Variants in DOCK6 observed in about 807,000 individuals in gnomAD.
DOCK6 encodes dedicator of cytokinesis protein 6.
A neutral mutation model predicts 230.3 loss-of-function variants in DOCK6; 167 were observed. That is an observed-to-expected ratio of 0.73 (90% CI 0.64 to 0.82). The LOEUF (loss-of-function observed/expected upper bound fraction) is 0.82, where lower values mean the gene tolerates loss of function less well. DOCK6 is among the 40% of genes least tolerant of loss of function. The pLI is 0.00. For missense variants in DOCK6, 2,598 were observed against 2,825.8 expected, an observed-to-expected ratio of 0.92 and a Z score of 1.83; for synonymous variants, 1,148 against 1,185.0, an observed-to-expected ratio of 0.97 and a Z score of 0.64.
intron 6 of DOCK6, among the ~76,000 whole-genome samples, chr19:11,248,953 C>T (rs2080076480): frequency 1.3e-5 from 2 of 152,166 alleles, no homozygotes; most frequent in South Asian, 2.1e-4. Flanking sequence ...TAGGGATATA[C>T]ACCCAATAAC....
intron 37 of DOCK6, among the ~76,000 whole-genome samples, chr19:11,210,902 T>A (rs892497534): frequency 2.6e-5 from 4 of 151,202 alleles, no homozygotes; most frequent in African/African-American, 9.7e-5. Flanking sequence ...CCTCCTGACC[T>A]GTCCATCCCC....
chr19:11,228,926 G>T lies in DOCK6; in HGVS notation c.2814+14C>A, dbSNP rs535273217. On this transcript the variant is annotated intron_variant, in intron 23 of 47. Transcript: ENST00000294618. ...GGGGTCTCTTGCCACCAGGCAGGGAGGAGGGGGTCTCACCATGAGCTGGAA... is the reference window on the plus strand; with the variant it reads ...GGGGTCTCTTGCCACCAGGCAGGGATGAGGGGGTCTCACCATGAGCTGGAA... 9.9e-6 allele frequency: 16 copies of T among 1,613,252 alleles called. No individual in the cohort carries two copies. The Admixed American group carries it at 1.7e-4, about 17-fold the overall frequency.
In DOCK6 at chr19:11,223,115, A is replaced by C. The variant is rs370533660; in HGVS notation, c.2956-9T>G. 2 of 1,610,928 alleles carry C rather than the reference A, an allele frequency of 1.2e-6. No homozygotes were observed. Among genetic ancestry groups the C allele is most frequent in the Non-Finnish European group, 1.7e-6 (2 of 1,178,132 alleles). ...TCGGCCAGCTCCACATCCTGGGGAC[A>C]CAGGTGCCTGTCAACCCACACACCC... is the stretch of plus-strand genomic sequence containing the variant. On this transcript the variant is annotated splice_polypyrimidine_tract_variant and intron_variant, in intron 24 of 47. Transcript: ENST00000294618.
At position 11,237,304 on chromosome 19, in the gene DOCK6, G is replaced by C. The variant is rs7247424; in HGVS notation, c.2073+152C>G. On this transcript the variant is annotated intron_variant, in intron 18 of 47. Coordinates refer to ENST00000294618, the MANE Select transcript of DOCK6 (RefSeq NM_020812.4). ...GGGGAGGACATGTAGGACACAGAGA[G>C]GCATTAATAGGGGAATAATGAGCTA... is the stretch of plus-strand genomic sequence containing the variant. 63,077 of 740,388 alleles carry C rather than the reference G, an allele frequency of 0.085. 3,492 individuals are homozygous for C. The highest frequency in any genetic ancestry group is 0.23 in the African/African-American group (13,085 of 57,520). The allele number at this position is 740,388 out of a possible 1,614,324, so 45.9% of individuals were successfully genotyped here. A position where few individuals can be genotyped will look rare whatever the true frequency, so the allele number is the denominator to read the frequency against.
intron 23 of DOCK6, among the ~76,000 whole-genome samples, chr19:11,228,505 G>GC (rs2079706681): frequency 6.6e-6 from 1 of 151,664 alleles, no homozygotes; most frequent in Non-Finnish European, 1.5e-5. Flanking sequence ...TGTGGGGGGG[G>GC]GTCTCTTGGG....
At chr19:11,234,677 G>A (rs1307093136) in intron 21 of DOCK6, among the ~76,000 whole-genome samples, 3 of 152,116 alleles carry the variant, frequency 2.0e-5, no homozygotes, top group Non-Finnish European at 2.9e-5. Flanking sequence ...CTTGCCCAAG[G>A]TCACAGAGAC....
rs1196679809 is a variant in DOCK6 at position 11,243,524 on chromosome 19, C to T, written c.1258+33G>A. 8.9e-6 allele frequency: 14 copies of T among 1,569,394 alleles called. No homozygotes were observed. In the South Asian group the frequency reaches 1.4e-4, roughly 16 times the overall value. On this transcript the variant is annotated intron_variant, in intron 11 of 47. Coordinates refer to ENST00000294618, the MANE Select transcript of DOCK6 (RefSeq NM_020812.4). This position sits in a 1 kb window ranked among gnomAD's most constrained non-coding sequence, Gnocchi z 6.3. The stretch of plus-strand genomic sequence containing the variant: ...AGGCCTGTCAGCACCACCCTTTAGC[C>T]CCGCCCCAAGCCTGTTAGCCCCGCC...
rs1258358239 is a variant in DOCK6 at position 11,215,867 on chromosome 19, C to T, written c.3955G>A (p.Ala1319Thr). The change falls in exon 31 of 48, where the codon GCG (alanine) becomes ACG (threonine). Residue 1319 changes from alanine (A) to threonine (T), a missense_variant. Ala to Thr is a moderately conservative substitution (Grantham distance 58, BLOSUM62 0). Transcript: ENST00000294618. Reference protein sequence around the residue: ...LTFKKSLDMKARLEEAILGTI... With the variant: ...LTFKKSLDMKTRLEEAILGTI... ...CCCAGAATGGCTTCCTCTAGCCGCGCCTTCATATCCAGAGATTTTTTGAAT... is the reference window on the plus strand; with the variant it reads ...CCCAGAATGGCTTCCTCTAGCCGCGTCTTCATATCCAGAGATTTTTTGAAT... 2 of 1,613,908 alleles carry T rather than the reference C, an allele frequency of 1.2e-6. No homozygotes were observed. The highest frequency in any genetic ancestry group is 1.6e-4 in the Middle Eastern group (1 of 6,062).
intron 32 of DOCK6, among the ~76,000 whole-genome samples, 193 bp downstream of exon 32, chr19:11,215,194 C>T (rs531213454): frequency 1.3e-4 from 20 of 152,266 alleles, no homozygotes; most frequent in African/African-American, 4.8e-4. Flanking sequence ...CCGCCTGCCT[C>T]GGCCTCCCAA....
At chr19:11,233,523 AT>A (rs2079801507) in intron 21 of DOCK6, among the ~76,000 whole-genome samples, 157 bp from the exon 22 acceptor site, 1 of 152,068 alleles carries the variant, frequency 6.6e-6, no homozygotes, top group African/African-American at 2.4e-5. Flanking sequence ...CCTCACAGAG[AT>A]TGGGGGGGCA....
Position 11,204,184 on chromosome 19 carries a change from G to T in DOCK6, c.5220+16C>A. 6.5e-7 allele frequency: 1 copy of T among 1,549,872 alleles called. No homozygotes were observed. Among genetic ancestry groups the T allele is most frequent in the South Asian group, 1.2e-5 (1 of 84,086 alleles). Reference sequence around the variant, plus strand: ...GGGGCTGAGGGTGGGGTCTGGGGAGGGGGTCCTGGGCCCACCTGGTGCATG... The same window carrying T: ...GGGGCTGAGGGTGGGGTCTGGGGAGTGGGTCCTGGGCCCACCTGGTGCATG... On this transcript the variant is annotated intron_variant, in intron 40 of 47. Coordinates refer to ENST00000294618, the MANE Select transcript of DOCK6 (RefSeq NM_020812.4).
chr19:11,218,129 C>T (rs954062498), intron 28 of DOCK6, among the ~76,000 whole-genome samples: 1 of 152,036 alleles, frequency 6.6e-6, no homozygotes, highest in African/African-American at 2.4e-5. Context: ...GGACTATAGG[C>T]ATGAGCCATG....
chr19:11,208,024 A>C (rs1338686406), intron 39 of DOCK6, among the ~76,000 whole-genome samples: 6 of 151,846 alleles, frequency 4.0e-5, no homozygotes, highest in Admixed American at 3.3e-4. Flanking sequence ...TGGGAGGCTG[A>C]GGTGGGAGGA....
intron 28 of DOCK6, among the ~76,000 whole-genome samples, chr19:11,219,361 T>G (rs1313476633): frequency 1.3e-5 from 2 of 150,832 alleles, no homozygotes; most frequent in Non-Finnish European, 3.0e-5. Flanking sequence ...TTTTTTTTTT[T>G]GTATTTTTAG....
intron 35 of DOCK6, among the ~76,000 whole-genome samples, chr19:11,212,677 C>G (rs1224250460): frequency 1.3e-5 from 2 of 149,732 alleles, no homozygotes; most frequent in African/African-American, 4.9e-5. Context: ...ATTCTCGTGT[C>G]TCAGCCTTCC....
Position 11,237,673 on chromosome 19 carries a change from C to T in DOCK6, c.1939G>A (p.Gly647Ser), listed in dbSNP as rs868425160. The T allele has an allele frequency of 1.9e-6, 3 of 1,597,382 alleles. No individual in the cohort carries two copies. Among genetic ancestry groups the T allele is most frequent in the Non-Finnish European group, 2.6e-6 (3 of 1,172,692 alleles). The change falls in exon 17 of 48, where the codon GGC becomes AGC. Residue 647 changes from glycine to serine, a missense_variant. Physicochemically the swap from Gly to Ser is moderately conservative, Grantham distance 56. Transcript: ENST00000294618. The stretch of plus-strand genomic sequence containing the variant: ...CCCACGGGTGTCTCCAGGGCAGTGC[C>T]CGGCCGGGGCTGGCAGCTGACATGG... The part of the protein sequence containing the change: ...FYHVSCQPRP[G>S]TALETPVGFT...
rs73506659 is a variant in DOCK6 at position 11,235,602 on chromosome 19, C to G, written c.2550G>C (p.Pro850=). The change falls in exon 21 of 48, where the codon CCG becomes CCC. Residue 850 remains proline (P), a synonymous_variant. Coordinates refer to ENST00000294618, the MANE Select transcript of DOCK6 (RefSeq NM_020812.4). ...CAGGGATTTCTACAAACTCACCATC[C>G]GGGAGGCTGGGCTCAGTGCCAGGAA... The part of the protein sequence containing the change: ...FRLPGTEPSL[P]DGAPPVTVQA... 1.9e-3 allele frequency: 3,080 copies of G among 1,587,106 alleles called. 59 individuals carry two copies. The African/African-American group carries it at 0.036, about 19-fold the overall frequency.
chr19:11,242,844 A>G (rs549360626), intron 13 of DOCK6, among the ~76,000 whole-genome samples: 1 of 152,226 alleles, frequency 6.6e-6, no homozygotes, highest in South Asian at 2.1e-4. Flanking sequence ...CCCCGCTGCC[A>G]TTAACCACCT....
Position 11,245,875 on chromosome 19 carries a change from G to C in DOCK6, c.810C>G (p.Phe270Leu). The change falls in exon 8 of 48, where the codon TTC (phenylalanine) becomes TTG (leucine). Residue 270 changes from phenylalanine to leucine, a missense_variant. By Grantham distance (22) the Phe-to-Leu change is conservative. Coordinates refer to ENST00000294618, the MANE Select transcript of DOCK6 (RefSeq NM_020812.4). ...RILVKCLSLK[F>L]EIEIEPIFGI... ...CAAAGATGGGCTCAATTTCAATCTC[G>C]AACCTACAAGTAAATGGGAGGGAGG... is the stretch of plus-strand genomic sequence containing the variant. The C allele has an allele frequency of 6.4e-7, 1 of 1,561,102 alleles. No homozygotes were observed. Among genetic ancestry groups the C allele is most frequent in the East Asian group, 2.4e-5 (1 of 41,846 alleles).
Sources: allele counts gnomAD v4.1 joint callset (sites outside exome capture counted in the v4.1 genomes callset), GRCh38; gene constraint gnomAD v4.1.1; non-coding constraint Gnocchi (gnomAD v3.1); transcripts MANE v1.5; gene names NCBI Gene and HGNC (gene_info 2026-07-23, HGNC 2026-07-21).